The following RALYL variants were observed in gnomAD, a reference collection of about 807,000 sequenced individuals.
The protein encoded by RALYL is RNA-binding Raly-like protein.
A neutral mutation model predicts 35.1 loss-of-function variants in RALYL; 29 were observed. That is an observed-to-expected ratio of 0.83 (90% CI 0.61 to 1.13). The LOEUF (loss-of-function observed/expected upper bound fraction) is 1.13, where lower values mean the gene tolerates loss of function less well. Among genes scored for constraint, RALYL ranks in the 50% most tolerant of loss-of-function variants. RALYL has a pLI of 0.00. For synonymous variants in RALYL, 120 were observed against 127.6 expected, an observed-to-expected ratio of 0.94 and a Z score of 0.40; for missense variants, 359 against 360.4, an observed-to-expected ratio of 1.00 and a Z score of 0.03.
intron 8 of RALYL, among the ~76,000 whole-genome samples, chr8:84,899,299 A>G (rs1348955125): frequency 6.7e-6 from 1 of 150,188 alleles, no homozygotes; most frequent in African/African-American, 2.5e-5. Context: ...TTAACTTACT[A>G]TATTGTAATT....
intron 1 of RALYL, among the ~76,000 whole-genome samples, chr8:84,318,309 T>A (rs1382319862): frequency 6.6e-6 from 1 of 152,192 alleles, no homozygotes; most frequent in African/African-American, 2.4e-5. Context: ...GCTCTCAGAA[T>A]GAGGATCTAC....
chr8:84,241,642 G>T (rs1315439940), intron 1 of RALYL, among the ~76,000 whole-genome samples: 1 of 151,896 alleles, frequency 6.6e-6, no homozygotes, highest in Non-Finnish European at 1.5e-5. Context: ...GCCGGGCTTG[G>T]GGGTGCGTGC....
At position 84,632,147 on chromosome 8, in the gene RALYL, G is replaced by A. The variant is rs192430022; in HGVS notation, c.256+102570G>A. 8.8e-4 allele frequency among the ~76,000 whole-genome samples: 133 copies of A among 151,948 alleles called. 1 individual carries two copies. Among genetic ancestry groups the A allele is most frequent in the Admixed American group, 3.5e-3 (53 of 15,236 alleles). ...CCTCCCACCATGCGAGAGGACAGCTGGAAGATGCCGTCTATGAACAAGAAG... is the reference window on the plus strand; with the variant it reads ...CCTCCCACCATGCGAGAGGACAGCTAGAAGATGCCGTCTATGAACAAGAAG... On this transcript the variant is annotated intron_variant, in intron 2 of 8. Coordinates refer to ENST00000521268, the MANE Select transcript of RALYL (RefSeq NM_173848.7).
At chr8:84,348,142 T>A (rs1356706979) in intron 1 of RALYL, among the ~76,000 whole-genome samples, 1 of 152,056 alleles carries the variant, frequency 6.6e-6, no homozygotes, top group Admixed American at 6.6e-5. Context: ...TACTATTAAG[T>A]TAGATTACAG....
At chr8:84,276,311 C>G (rs1423086686) in intron 1 of RALYL, among the ~76,000 whole-genome samples, 1 of 152,138 alleles carries the variant, frequency 6.6e-6, no homozygotes, top group Non-Finnish European at 1.5e-5. Context: ...AGGAAAAGTG[C>G]TCTAGCATCT....
intron 2 of RALYL, among the ~76,000 whole-genome samples, chr8:84,662,596 C>T (rs1007400363): frequency 6.6e-6 from 1 of 151,996 alleles, no homozygotes; most frequent in Non-Finnish European, 1.5e-5. Flanking sequence ...GCTGTCTGAG[C>T]TTATAATTGT....
At chr8:84,326,601 C>A (rs1183433845) in intron 1 of RALYL, among the ~76,000 whole-genome samples, 14 of 152,042 alleles carry the variant, frequency 9.2e-5, no homozygotes. Context: ...ATTATACCAG[C>A]CCAATAAATA....
At chr8:84,458,652 T>TA (rs2050409408) in intron 1 of RALYL, among the ~76,000 whole-genome samples, 1 of 151,430 alleles carries the variant, frequency 6.6e-6, no homozygotes. Flanking sequence ...TTCAGTCTTA[T>TA]AAAAAGAAAA....
chr8:84,520,949 C>T (rs570168804), intron 1 of RALYL, among the ~76,000 whole-genome samples: 8 of 152,266 alleles, frequency 5.3e-5, no homozygotes, highest in Non-Finnish European at 1.2e-4. Flanking sequence ...AATCACATTG[C>T]CTCTTATGGC....
chr8:84,734,281 A>G (rs1846811648), intron 2 of RALYL, among the ~76,000 whole-genome samples: 1 of 152,158 alleles, frequency 6.6e-6, no homozygotes, highest in Admixed American at 6.6e-5. Flanking sequence ...AGAGTGGAAA[A>G]AATAAATATC....
intron 2 of RALYL, among the ~76,000 whole-genome samples, chr8:84,632,306 C>T (rs536105613): frequency 6.6e-6 from 1 of 152,060 alleles, no homozygotes; most frequent in East Asian, 1.9e-4. Flanking sequence ...TTTGCTGTAG[C>T]AGCCCAAATG....
At chr8:84,251,922 A>C (rs930257399) in intron 1 of RALYL, among the ~76,000 whole-genome samples, 5 of 150,284 alleles carry the variant, frequency 3.3e-5, no homozygotes, top group Admixed American at 3.3e-4. Flanking sequence ...TGGTAGTTCC[A>C]TTTTAGTTTT....
chr8:84,683,249 G>A (rs1027521436), intron 2 of RALYL, among the ~76,000 whole-genome samples: 16 of 152,282 alleles, frequency 1.1e-4, no homozygotes, highest in Admixed American at 7.2e-4. Context: ...GCTGAGGAGA[G>A]CTTTACTTCC....
chr8:84,502,368 G>A (rs1252045285), intron 1 of RALYL, among the ~76,000 whole-genome samples: 3 of 151,970 alleles, frequency 2.0e-5, no homozygotes, highest in Non-Finnish European at 4.4e-5. Flanking sequence ...TCTGCATGAA[G>A]AAGAAAGTCT....
chr8:84,625,914 A>G (rs533268374), intron 2 of RALYL, among the ~76,000 whole-genome samples: 26 of 152,282 alleles, frequency 1.7e-4, no homozygotes, highest in African/African-American at 6.0e-4. Flanking sequence ...TGTGGTTGTC[A>G]TTGTGGTTGT....
intron 3 of RALYL, among the ~76,000 whole-genome samples, chr8:84,781,980 G>A (rs1165432987): frequency 6.6e-6 from 1 of 151,572 alleles, no homozygotes; most frequent in Non-Finnish European, 1.5e-5. Flanking sequence ...AGCATAGCAG[G>A]TACCACCTTG....
At chr8:84,412,881 G>A (rs1392772070) in intron 1 of RALYL, among the ~76,000 whole-genome samples, 3 of 151,842 alleles carry the variant, frequency 2.0e-5, no homozygotes, top group Non-Finnish European at 4.4e-5. Context: ...ATTCCAAGGT[G>A]CACCTGGTAA....
At chr8:84,605,070 A>G (rs1472475143) in intron 2 of RALYL, among the ~76,000 whole-genome samples, 4 of 152,112 alleles carry the variant, frequency 2.6e-5, no homozygotes. Flanking sequence ...TATAAAGTAA[A>G]TCAAGGGAAG....
intron 1 of RALYL, among the ~76,000 whole-genome samples, chr8:84,252,690 A>G (rs1586560971): frequency 6.6e-6 from 1 of 152,268 alleles, no homozygotes; most frequent in African/African-American, 2.4e-5. Context: ...TTCCTGGTGC[A>G]CATGACCTGC....
Sources: allele counts gnomAD v4.1 joint callset (sites outside exome capture counted in the v4.1 genomes callset), GRCh38; gene constraint gnomAD v4.1.1; transcripts MANE v1.5; gene names NCBI Gene and HGNC (gene_info 2026-07-23, HGNC 2026-07-21).